PCDH15: variants seen among roughly 807,000 people sequenced by gnomAD.
The protein encoded by PCDH15 is protocadherin related 15.
PCDH15 carries 129 observed loss-of-function variants against 178.5 expected under a neutral mutation model. That is an observed-to-expected ratio of 0.72 (90% confidence interval 0.63 to 0.84). PCDH15 has a LOEUF of 0.84. Ranked by LOEUF, PCDH15 falls within the 40% of genes least tolerant of loss-of-function variation. The pLI is 0.00. For missense variants in PCDH15, 2,230 were observed against 2,099.9 expected (o/e 1.06, Z -1.21); for synonymous variants, 800 against 732.0 (o/e 1.09, Z -1.50).
At chr10:54,296,881 A>C (rs982670039) in intron 8 of PCDH15, among the ~76,000 whole-genome samples, 1 of 152,146 alleles carries the variant, frequency 6.6e-6, no homozygotes, top group African/African-American at 2.4e-5. Flanking sequence ...TAACATCTTT[A>C]TAGGGCATGG....
At chr10:54,295,692 C>G (rs577709952) in intron 8 of PCDH15, among the ~76,000 whole-genome samples, 47 of 152,144 alleles carry the variant, frequency 3.1e-4, no homozygotes, top group Admixed American at 1.2e-3. Context: ...GTCAGCAAGA[C>G]CAAGAACCCA....
At chr10:54,697,488 T>C (rs1254904246) in intron 1 of PCDH15, among the ~76,000 whole-genome samples, 1 of 149,924 alleles carries the variant, frequency 6.7e-6, no homozygotes, top group East Asian at 1.9e-4. Flanking sequence ...TTTCATTATG[T>C]ATATCGCTAT....
At chr10:55,504,141 C>T (rs750758897) in intron 2 of PCDH15, among the ~76,000 whole-genome samples, 2 of 151,146 alleles carry the variant, frequency 1.3e-5, no homozygotes, top group African/African-American at 2.4e-5. Flanking sequence ...CACCAAATGT[C>T]AACCCTAACG....
intron 1 of PCDH15, among the ~76,000 whole-genome samples, chr10:55,264,549 G>A (rs1212774442): frequency 6.6e-6 from 1 of 152,144 alleles, no homozygotes; most frequent in South Asian, 2.1e-4. Context: ...TAGGGAGGAC[G>A]CTTGCTTTAT....
intron 1 of PCDH15, among the ~76,000 whole-genome samples, chr10:54,790,824 A>G (rs549551202): frequency 1.3e-5 from 2 of 152,114 alleles, no homozygotes; most frequent in African/African-American, 4.8e-5. Context: ...AAAACAGAAT[A>G]AAAAATAAAA....
intron 2 of PCDH15, among the ~76,000 whole-genome samples, chr10:55,442,481 T>TTATATATATATTA: frequency 8.1e-6 from 1 of 123,070 alleles, no homozygotes; most frequent in Middle Eastern, 3.9e-3. Flanking sequence ...TATATATATA[T>TTATATATATATTA]TATATATATA....
At chr10:53,961,674 G>T in intron 22 of PCDH15, 78 bp downstream of exon 22, 9 of 1,011,680 alleles carry the variant, frequency 8.9e-6, no homozygotes, top group Admixed American at 3.0e-5. Flanking sequence ...AGAAAAAAAT[G>T]TGCTGTCATC....
intron 18 of PCDH15, among the ~76,000 whole-genome samples, chr10:54,049,202 A>AT (rs567520879): frequency 3.9e-5 from 6 of 151,978 alleles, no homozygotes; most frequent in East Asian, 1.9e-4. Context: ...AATGCCACTG[A>AT]TTTTTTTTAC....
At chr10:55,314,242 T>C (rs1469555364) in intron 1 of PCDH15, among the ~76,000 whole-genome samples, 1 of 149,416 alleles carries the variant, frequency 6.7e-6, no homozygotes, top group Non-Finnish European at 1.5e-5. Flanking sequence ...ATCTCAGTGT[T>C]CGTCATTACC....
intron 29 of PCDH15, among the ~76,000 whole-genome samples, chr10:53,835,433 A>G (rs758366768): frequency 1.9e-4 from 29 of 152,160 alleles, no homozygotes; most frequent in Non-Finnish European, 3.8e-4. Flanking sequence ...GAAAGCCACA[A>G]GAGAATATGG....
intron 1 of PCDH15, among the ~76,000 whole-genome samples, chr10:55,175,333 A>G (rs1428776830): frequency 6.6e-6 from 1 of 152,182 alleles, no homozygotes; most frequent in Non-Finnish European, 1.5e-5. Context: ...GATTCAATCA[A>G]GGTACAACTA....
intron 2 of PCDH15, among the ~76,000 whole-genome samples, chr10:55,410,640 G>A (rs780121633): frequency 3.3e-5 from 5 of 152,112 alleles, no homozygotes; most frequent in Non-Finnish European, 7.4e-5. Flanking sequence ...ATTTCCCGGA[G>A]CAGAGAGCTT....
chr10:55,098,830 C>T (rs1354678141), intron 2 of PCDH15, among the ~76,000 whole-genome samples: 2 of 150,972 alleles, frequency 1.3e-5, no homozygotes, highest in African/African-American at 4.9e-5. Context: ...TTCTCTCTCT[C>T]TCTTTGAAAC....
chr10:54,513,254 TTTA>T (rs948471657), intron 3 of PCDH15, among the ~76,000 whole-genome samples: 3 of 145,998 alleles, frequency 2.1e-5, no homozygotes, highest in African/African-American at 7.4e-5. Flanking sequence ...TATTTATTTA[TTTA>T]TTTATTTATT....
At position 55,533,134 on chromosome 10, in the gene PCDH15, C is replaced by T. The variant is rs185396850; in HGVS notation, c.-156+94491G>A. Reference sequence around the variant, plus strand: ...CACACCCAACATCATACTGAATGGGCAAAAGCTGAAAGCACTCGCCTTGAA... The same window carrying T: ...CACACCCAACATCATACTGAATGGGTAAAAGCTGAAAGCACTCGCCTTGAA... On this transcript the variant is annotated intron_variant, in intron 2 of 5. Coordinates refer to the PCDH15 transcript ENST00000613346. 2.0e-3 allele frequency among the ~76,000 whole-genome samples: 300 copies of T among 152,136 alleles called. 1 individual carries two copies. The highest frequency in any genetic ancestry group is 3.4e-3 in the Middle Eastern group (1 of 294).
At chr10:54,774,007 C>CTTTTTTTTTTTTTTTTTTT (rs763704132) in intron 1 of PCDH15, among the ~76,000 whole-genome samples, 2 of 75,386 alleles carry the variant, frequency 2.7e-5, no homozygotes, top group African/African-American at 4.6e-5. Flanking sequence ...ACTTCATAGG[C>CTTTTTTTTTTTTTTTTTTT]TTTTTTTTTT....
intron 3 of PCDH15, among the ~76,000 whole-genome samples, chr10:54,871,576 C>A (rs1376853783): frequency 6.6e-6 from 1 of 151,898 alleles, no homozygotes. Flanking sequence ...GGGAAAATTC[C>A]ATACAAAAGT....
intron 2 of PCDH15, among the ~76,000 whole-genome samples, chr10:55,349,369 T>G (rs187416314): frequency 1.5e-3 from 224 of 152,268 alleles, no homozygotes; most frequent in Non-Finnish European, 2.6e-3. Flanking sequence ...TTTCATGTAT[T>G]TTTTCATTAA....
At chr10:55,459,619 G>T (rs1399746135) in intron 2 of PCDH15, among the ~76,000 whole-genome samples, 1 of 152,026 alleles carries the variant, frequency 6.6e-6, no homozygotes, top group African/African-American at 2.4e-5. Context: ...GAAAAATGGT[G>T]GCCATGAGCC....
Sources: gnomAD v4.1 joint callset for allele counts (sites outside exome capture counted in the v4.1 genomes callset) on GRCh38, gnomAD v4.1.1 for gene constraint, MANE v1.5 for transcripts, NCBI Gene and HGNC (gene_info 2026-07-23, HGNC 2026-07-21) for gene names.